EVI5: variants seen among roughly 807,000 people sequenced by gnomAD.
The protein encoded by EVI5 is ecotropic viral integration site 5.
EVI5 carries 73 observed loss-of-function variants against 112.0 expected under a neutral mutation model. The ratio of observed to expected loss-of-function variants is 0.65; its 90% confidence interval spans 0.54 to 0.79. The LOEUF is 0.79. EVI5 is among the 30% of genes least tolerant of loss of function. The pLI is 0.00. For synonymous variants in EVI5, 305 were observed against 319.9 expected, an observed-to-expected ratio of 0.95 and a Z score of 0.50; for missense variants, 900 against 968.8, an observed-to-expected ratio of 0.93 and a Z score of 0.94.
intron 1 of EVI5, among the ~76,000 whole-genome samples, chr1:92,791,482 G>C (rs925692060): frequency 6.6e-6 from 1 of 152,114 alleles, no homozygotes; most frequent in Non-Finnish European, 1.5e-5. Context: ...TATTGTAATT[G>C]CTATTTTCCA....
chr1:92,529,172 T>C (rs1315221243), intron 19 of EVI5, among the ~76,000 whole-genome samples: 1 of 152,184 alleles, frequency 6.6e-6, no homozygotes, highest in Non-Finnish European at 1.5e-5. Context: ...ATCCTCTTCA[T>C]ATAGACCCAT....
At chr1:92,666,977 G>A (rs913496122) in intron 10 of EVI5, among the ~76,000 whole-genome samples, 11 of 152,070 alleles carry the variant, frequency 7.2e-5, no homozygotes, top group African/African-American at 2.2e-4. Context: ...AAAAATGCAC[G>A]TTCATAGGCT....
intron 18 of EVI5, among the ~76,000 whole-genome samples, chr1:92,589,452 C>T (rs1673379901): frequency 2.0e-5 from 3 of 152,176 alleles, no homozygotes; most frequent in Admixed American, 2.0e-4. Flanking sequence ...TAGCAAACAG[C>T]ACACCAGGAG....
intron 18 of EVI5, among the ~76,000 whole-genome samples, chr1:92,584,413 G>A (rs982765488): frequency 1.3e-5 from 2 of 152,070 alleles, no homozygotes; most frequent in African/African-American, 2.4e-5. Context: ...AATTATTACT[G>A]CATATGAAAT....
chr1:92,590,159 T>A (rs1292234227), intron 18 of EVI5, among the ~76,000 whole-genome samples: 1 of 152,006 alleles, frequency 6.6e-6, no homozygotes, highest in Non-Finnish European at 1.5e-5. Context: ...ACCACAAAGA[T>A]GCGGAAAAAA....
chr1:92,707,721 T>C lies in EVI5; in HGVS notation c.150-2977A>G, dbSNP rs570574531. Among the ~76,000 whole-genome samples, 22 of 152,290 alleles carry C rather than the reference T, an allele frequency of 1.4e-4. 1 individual carries two copies. Among genetic ancestry groups the C allele is most frequent in the African/African-American group, 5.1e-4 (21 of 41,562 alleles). On this transcript the variant is annotated intron_variant, in intron 2 of 19. Coordinates refer to ENST00000684568, the MANE Select transcript of EVI5 (RefSeq NM_001350197.2). ...ATAGTATAACACATTTGAGAACTGT[T>C]TGATAATTCCTCATACAGTTGAAAT...
At chr1:92,691,509 T>C (rs1035462221) in intron 9 of EVI5, among the ~76,000 whole-genome samples, 4 of 152,204 alleles carry the variant, frequency 2.6e-5, no homozygotes, top group South Asian at 2.1e-4. Flanking sequence ...ATGTGATCTG[T>C]AGCTAATGAG....
At chr1:92,635,864 T>C (rs115555395) in intron 14 of EVI5, among the ~76,000 whole-genome samples, 2,015 of 152,274 alleles carry the variant, frequency 0.013, 26 homozygotes, top group Non-Finnish European at 0.021. Flanking sequence ...CATGAAAATA[T>C]TGCAATATTT....
At chr1:92,516,131 C>T (rs1177945732) in intron 19 of EVI5, among the ~76,000 whole-genome samples, 1 of 152,228 alleles carries the variant, frequency 6.6e-6, no homozygotes, top group East Asian at 1.9e-4. Flanking sequence ...TATTGCAACA[C>T]ACAATTTATA....
chr1:92,735,639 CATAT>C (rs1188067332), intron 2 of EVI5, among the ~76,000 whole-genome samples: 3 of 15,102 alleles, frequency 2.0e-4, no homozygotes, highest in Admixed American at 2.0e-3. Flanking sequence ...TGATATATGT[CATAT>C]ATATATATAA....
At chr1:92,546,349 A>C (rs1359578108) in intron 19 of EVI5, among the ~76,000 whole-genome samples, 1 of 152,174 alleles carries the variant, frequency 6.6e-6, no homozygotes, top group Non-Finnish European at 1.5e-5. Context: ...AATCACCTGT[A>C]GTATGACGGA....
intron 13 of EVI5, among the ~76,000 whole-genome samples, chr1:92,639,272 T>C (rs1430644516): frequency 6.6e-6 from 1 of 152,162 alleles, no homozygotes; most frequent in Non-Finnish European, 1.5e-5. Context: ...TAAAGGTAAG[T>C]TAGAAAGTCC....
intron 2 of EVI5, among the ~76,000 whole-genome samples, chr1:92,726,014 G>A (rs953130982): frequency 2.0e-5 from 3 of 152,184 alleles, no homozygotes; most frequent in Admixed American, 6.5e-5. Context: ...GACAGTATTA[G>A]TGAATTTGAA....
At chr1:92,636,073 T>C in intron 14 of EVI5, 129 bp downstream of exon 14, 1 of 706,706 alleles carries the variant, frequency 1.4e-6, no homozygotes, top group Non-Finnish European at 2.2e-6. Context: ...CCTTTTCCTC[T>C]TAGTAACTAA....
intron 11 of EVI5, among the ~76,000 whole-genome samples, chr1:92,664,884 A>T (rs1664619064): frequency 6.6e-6 from 1 of 152,316 alleles, no homozygotes; most frequent in East Asian, 1.9e-4. Context: ...GGTATGTTTA[A>T]ATCTACTTAC....
intron 2 of EVI5, among the ~76,000 whole-genome samples, chr1:92,717,784 T>C (rs1007624226): frequency 1.3e-5 from 2 of 152,020 alleles, no homozygotes; most frequent in African/African-American, 4.8e-5. Context: ...ATCAGTGTGC[T>C]GTATTCAGAA....
chr1:92,663,080 C>A (rs369313229), intron 12 of EVI5, among the ~76,000 whole-genome samples: 6 of 152,088 alleles, frequency 3.9e-5, no homozygotes, highest in African/African-American at 1.2e-4. Context: ...AAGAACAATT[C>A]TTTCAGTCAA....
At chr1:92,611,468 G>A (rs2101640719) in intron 16 of EVI5, among the ~76,000 whole-genome samples, 1 of 151,742 alleles carries the variant, frequency 6.6e-6, no homozygotes, top group East Asian at 1.9e-4. Flanking sequence ...GGAGGCCAAG[G>A]CAGGCGGATC....
chr1:92,593,808 C>T (rs1425545843), intron 18 of EVI5, among the ~76,000 whole-genome samples: 1 of 152,180 alleles, frequency 6.6e-6, no homozygotes, highest in African/African-American at 2.4e-5. Flanking sequence ...CATCAGTGAA[C>T]TCCCATTCGC....
Sources: gnomAD v4.1 joint callset for allele counts (sites outside exome capture counted in the v4.1 genomes callset) on GRCh38, gnomAD v4.1.1 for gene constraint, MANE v1.5 for transcripts, NCBI Gene and HGNC (gene_info 2026-07-23, HGNC 2026-07-21) for gene names.